The following MTUS2 variants were observed in gnomAD, a reference collection of about 807,000 sequenced individuals.
MTUS2 encodes the protein microtubule associated scaffold protein 2, also known as microtubule-associated tumor suppressor candidate 2.
MTUS2 carries 40 observed loss-of-function variants against 114.1 expected under a neutral mutation model. The ratio of observed to expected loss-of-function variants is 0.35; its 90% CI spans 0.27 to 0.46. The LOEUF is 0.46. Ranked by LOEUF, MTUS2 falls within the 20% of genes least tolerant of loss-of-function variation. MTUS2 has a pLI of 1.00. For synonymous variants in MTUS2, 688 were observed against 672.0 expected (o/e 1.02, Z -0.37); for missense variants, 1,679 against 1,705.4 (o/e 0.98, Z 0.27).
At chr13:29,336,536 G>T (rs111278085) in intron 7 of MTUS2, among the ~76,000 whole-genome samples, 1 of 152,042 alleles carries the variant, frequency 6.6e-6, no homozygotes, top group Non-Finnish European at 1.5e-5. Flanking sequence ...AAGGGCACCC[G>T]CCGGACGCCA....
At chr13:29,386,299 A>G (rs1240964106) in intron 8 of MTUS2, among the ~76,000 whole-genome samples, 1 of 152,210 alleles carries the variant, frequency 6.6e-6, no homozygotes, top group Non-Finnish European at 1.5e-5. Flanking sequence ...AAAGACAGCC[A>G]GTGACTTATA....
At chr13:29,257,716 A>C (rs553745882) in intron 5 of MTUS2, among the ~76,000 whole-genome samples, 1 of 152,252 alleles carries the variant, frequency 6.6e-6, no homozygotes, top group Non-Finnish European at 1.5e-5. Flanking sequence ...ACCTACTGAC[A>C]TGTCAGGGAC....
rs568504318 is a variant in MTUS2 at position 29,166,495 on chromosome 13, A to G, written c.2644+65525A>G. 3.9e-5 allele frequency among the ~76,000 whole-genome samples: 6 copies of G among 152,350 alleles called. No homozygotes were observed. In the East Asian group the frequency reaches 1.2e-3, roughly 29 times the overall value. On this transcript the variant is annotated intron_variant, in intron 5 of 15. Transcript: ENST00000612955. Reference sequence around the variant, plus strand: ...GTGGATGGGTGTCAGCCCCAGACCCATTATCTGTCTCTGCCTTTCTGAATC... The same window carrying G: ...GTGGATGGGTGTCAGCCCCAGACCCGTTATCTGTCTCTGCCTTTCTGAATC...
chr13:28,986,406 T>C (rs542743196), intron 2 of MTUS2, among the ~76,000 whole-genome samples: 2 of 152,310 alleles, frequency 1.3e-5, no homozygotes, highest in Admixed American at 6.5e-5. Context: ...GCTTCCTGGC[T>C]TCAGAGCCCA....
intron 8 of MTUS2, among the ~76,000 whole-genome samples, chr13:29,389,412 T>TGTATGTATACAC (rs1872974526): frequency 1.4e-5 from 1 of 69,138 alleles, no homozygotes; most frequent in African/African-American, 7.4e-5. Context: ...TGTATACACG[T>TGTATGTATACAC]GTGTGTGTAT....
intron 8 of MTUS2, among the ~76,000 whole-genome samples, chr13:29,425,933 TAAG>T (rs1449376910): frequency 6.6e-6 from 1 of 152,178 alleles, no homozygotes; most frequent in Non-Finnish European, 1.5e-5. Context: ...CTCCTAAGAA[TAAG>T]AAGTAATTTT....
At chr13:29,104,596 A>G (rs570296099) in intron 5 of MTUS2, among the ~76,000 whole-genome samples, 1 of 152,164 alleles carries the variant, frequency 6.6e-6, no homozygotes, top group African/African-American at 2.4e-5. Flanking sequence ...CCTCCTTGTA[A>G]TCTTCAACAA....
chr13:29,471,659 G>A (rs1230442470), intron 9 of MTUS2, among the ~76,000 whole-genome samples: 1 of 151,942 alleles, frequency 6.6e-6, no homozygotes, highest in Non-Finnish European at 1.5e-5. Flanking sequence ...TTACCACACG[G>A]GTGCATCATG....
At chr13:29,156,488 T>G (rs1248971924) in intron 5 of MTUS2, among the ~76,000 whole-genome samples, 1 of 152,066 alleles carries the variant, frequency 6.6e-6, no homozygotes. Context: ...AGCAAAGATG[T>G]CTGGAAAGAT....
intron 8 of MTUS2, among the ~76,000 whole-genome samples, chr13:29,378,618 A>G (rs998037316): frequency 3.0e-4 from 46 of 152,210 alleles, no homozygotes; most frequent in African/African-American, 1.1e-3. Context: ...AAAAGATTTG[A>G]AAAAAACAGT....
intron 7 of MTUS2, among the ~76,000 whole-genome samples, chr13:29,357,230 C>G (rs1160243347): frequency 6.6e-6 from 1 of 152,016 alleles, no homozygotes; most frequent in Non-Finnish European, 1.5e-5. Flanking sequence ...GGTGGTAGTT[C>G]TTAGGAGCTA....
intron 5 of MTUS2, among the ~76,000 whole-genome samples, chr13:29,141,345 G>A (rs767792472): frequency 1.3e-5 from 2 of 152,182 alleles, no homozygotes; most frequent in Non-Finnish European, 2.9e-5. Context: ...GGGTCAAGAA[G>A]CTTCCTGAAG....
At chr13:29,129,428 T>G (rs1891660259) in intron 5 of MTUS2, among the ~76,000 whole-genome samples, 2 of 152,196 alleles carry the variant, frequency 1.3e-5, no homozygotes, top group African/African-American at 4.8e-5. Flanking sequence ...GAGGGTGATC[T>G]TTCCACTTAG....
chr13:29,204,242 A>G (rs996997075), intron 5 of MTUS2, among the ~76,000 whole-genome samples: 4 of 152,094 alleles, frequency 2.6e-5, no homozygotes, highest in Non-Finnish European at 4.4e-5. Flanking sequence ...ACAGGCATTA[A>G]CCACCATGCC....
chr13:29,488,467 G>A (rs1452619259), intron 11 of MTUS2, among the ~76,000 whole-genome samples: 2 of 122,690 alleles, frequency 1.6e-5, no homozygotes, highest in East Asian at 4.7e-4. Flanking sequence ...TTGAGACAGA[G>A]TCTCACTTTG....
intron 8 of MTUS2, among the ~76,000 whole-genome samples, chr13:29,400,954 C>T (rs547076215): frequency 1.3e-5 from 2 of 152,102 alleles, no homozygotes; most frequent in African/African-American, 2.4e-5. Flanking sequence ...GAGAGCCTAG[C>T]GTTGTGTCTA....
intron 5 of MTUS2, among the ~76,000 whole-genome samples, chr13:29,112,472 A>G (rs1018471186): frequency 1.3e-5 from 2 of 152,204 alleles, no homozygotes; most frequent in Admixed American, 6.5e-5. Flanking sequence ...AACAAAATGT[A>G]TGAAGGCAGA....
intron 5 of MTUS2, among the ~76,000 whole-genome samples, chr13:29,198,873 A>G (rs923739589): frequency 2.4e-4 from 36 of 151,852 alleles, no homozygotes; most frequent in African/African-American, 8.5e-4. Flanking sequence ...CTGTTTGTCT[A>G]TTATTGATGT....
At chr13:29,071,095 C>T (rs1244227734) in intron 4 of MTUS2, among the ~76,000 whole-genome samples, 2 of 151,702 alleles carry the variant, frequency 1.3e-5, no homozygotes, top group Admixed American at 6.6e-5. Context: ...ACCTCTGCCT[C>T]CCGGGTTCAA....
Sources: allele counts gnomAD v4.1 joint callset (sites outside exome capture counted in the v4.1 genomes callset), GRCh38; gene constraint gnomAD v4.1.1; transcripts MANE v1.5; gene names NCBI Gene and HGNC (gene_info 2026-07-23, HGNC 2026-07-21).